Variants in COLEC10 observed in about 807,000 individuals in gnomAD.
The protein encoded by COLEC10 is collectin-10.
A neutral mutation model predicts 28.4 loss-of-function variants in COLEC10; 22 were observed. That is an observed-to-expected ratio of 0.78 (90% CI 0.55 to 1.11). COLEC10 has a LOEUF of 1.11. Among genes scored for constraint, COLEC10 ranks in the 50% least tolerant of loss-of-function variants. The probability of loss-of-function intolerance (pLI) is 0.00; values close to 1 mark genes in which losing one functional copy is unlikely to be tolerated. For missense variants in COLEC10, 361 were observed against 344.1 expected, an observed-to-expected ratio of 1.05 and a Z score of -0.39; for synonymous variants, 125 against 116.1, an observed-to-expected ratio of 1.08 and a Z score of -0.49.
chr8:119,022,979 G>C (rs1047407689), intron 2 of COLEC10, among the ~76,000 whole-genome samples: 1 of 152,052 alleles, frequency 6.6e-6, no homozygotes, highest in African/African-American at 2.4e-5. Context: ...CCTCCTGTTG[G>C]AGAGTCTTTG....
intron 1 of COLEC10, chr8:119,068,747 G>A (rs545716754): frequency 6.6e-6 from 1 of 152,164 alleles, no homozygotes; most frequent in African/African-American, 2.4e-5. Context: ...CAGACATTAT[G>A]AGATAATTAC....
At chr8:119,041,224 C>G (rs1480727980) in intron 2 of COLEC10, among the ~76,000 whole-genome samples, 1 of 151,898 alleles carries the variant, frequency 6.6e-6, no homozygotes, top group Non-Finnish European at 1.5e-5. Flanking sequence ...CTAATGCTGG[C>G]TCTTGTGGTT....
intron 2 of COLEC10, among the ~76,000 whole-genome samples, chr8:119,042,359 G>A (rs575065959): frequency 1.3e-5 from 2 of 151,972 alleles, no homozygotes; most frequent in East Asian, 1.9e-4. Context: ...ACTTTATAAT[G>A]TATTATGTTT....
At chr8:118,992,051 A>G (rs916784192), upstream of COLEC10, among the ~76,000 whole-genome samples, 1 of 152,098 alleles carries the variant, frequency 6.6e-6, no homozygotes, top group African/African-American at 2.4e-5. Flanking sequence ...CTTACATAAG[A>G]GTGTGATTTT....
At chr8:119,080,027 T>C (rs1215520762) in intron 1 of COLEC10, among the ~76,000 whole-genome samples, 4 of 152,206 alleles carry the variant, frequency 2.6e-5, no homozygotes, top group Admixed American at 1.3e-4. Context: ...ATGAAAACTA[T>C]TCATTTTGTT....
At chr8:119,087,680 C>A (rs1444837105) in intron 1 of COLEC10, among the ~76,000 whole-genome samples, 1 of 152,030 alleles carries the variant, frequency 6.6e-6, no homozygotes, top group South Asian at 2.1e-4. Context: ...TGCAACCCCC[C>A]TTTTTGCCCT....
intron 3 of COLEC10, among the ~76,000 whole-genome samples, chr8:119,098,886 T>G (rs1815769489): frequency 6.6e-6 from 1 of 152,108 alleles, no homozygotes; most frequent in African/African-American, 2.4e-5. Context: ...ATCTGTACTT[T>G]GAAATTTATT....
intron 5 of COLEC10, among the ~76,000 whole-genome samples, chr8:119,104,698 C>T (rs1460878579): frequency 6.6e-6 from 1 of 152,084 alleles, no homozygotes; most frequent in Admixed American, 6.6e-5. Flanking sequence ...TCGTGTTCAT[C>T]CTCATCTTGT....
At chr8:119,102,291 T>C in intron 3 of COLEC10, 57 bp from the exon 4 acceptor site, 4 of 1,176,266 alleles carry the variant, frequency 3.4e-6, no homozygotes, top group Non-Finnish European at 5.0e-6. Context: ...CTTCCTTTTT[T>C]CCTTTCTTCT....
At chr8:119,064,695 G>A (rs1240135828), upstream of COLEC10, among the ~76,000 whole-genome samples, 1 of 152,070 alleles carries the variant, frequency 6.6e-6, no homozygotes, top group African/African-American at 2.4e-5. Flanking sequence ...GACATTTTAA[G>A]TGTTTGTGAA....
chr8:119,103,497 A>C (rs552669343), intron 4 of COLEC10, among the ~76,000 whole-genome samples: 6 of 152,278 alleles, frequency 3.9e-5, no homozygotes, highest in South Asian at 4.1e-4. Context: ...TGTTCAACAA[A>C]AAAAAAATGC....
chr8:118,958,217 G>A, the COLEC10 span, among the ~76,000 whole-genome samples: 5 of 152,250 alleles, frequency 3.3e-5, no homozygotes, highest in African/African-American at 1.2e-4. Flanking sequence ...GGCCTTTAAG[G>A]GTTCATATTT....
intron 2 of COLEC10, among the ~76,000 whole-genome samples, chr8:119,046,173 T>C (rs1814585494): frequency 6.6e-6 from 1 of 152,172 alleles, no homozygotes; most frequent in South Asian, 2.1e-4. Context: ...AACATTGATT[T>C]CTTCTGGAAA....
chr8:119,075,892 C>CTTTT lies in COLEC10; in HGVS notation c.148+8484_148+8487dup, dbSNP rs35870985. Among the ~76,000 whole-genome samples, 611 of 82,398 alleles carry CTTTT rather than the reference C, an allele frequency of 7.4e-3. 9 individuals carry two copies. The highest frequency in any genetic ancestry group is 0.018 in the African/African-American group (363 of 20,708). 54.1% of individuals were successfully genotyped at this position (82,398 alleles called of 152,430 possible). The stretch of plus-strand genomic sequence containing the variant: ...TCATCTCAAGAATGATCAGCCATAT[C>CTTTT]TTTTTTTTTTTTTTTTTTTTTTTTG... On this transcript the variant is annotated intron_variant, in intron 1 of 5. Coordinates refer to ENST00000332843, the MANE Select transcript of COLEC10 (RefSeq NM_006438.5).
At chr8:119,058,684 T>C (rs561030676) in intron 2 of COLEC10, among the ~76,000 whole-genome samples, 1 of 152,120 alleles carries the variant, frequency 6.6e-6, no homozygotes, top group South Asian at 2.1e-4. Flanking sequence ...TGTTTGTATT[T>C]TTTCAATTTC....
At chr8:119,093,251 C>A (rs141916261) in intron 3 of COLEC10, among the ~76,000 whole-genome samples, 42 of 152,302 alleles carry the variant, frequency 2.8e-4, no homozygotes, top group Admixed American at 6.5e-4. Context: ...TAGGCTGTGG[C>A]CTCTCTCTTC....
intron 2 of COLEC10, among the ~76,000 whole-genome samples, chr8:119,042,961 CAGA>C (rs1587014876): frequency 6.6e-6 from 1 of 152,042 alleles, no homozygotes; most frequent in Non-Finnish European, 1.5e-5. Context: ...AGAGTCACCA[CAGA>C]AGGAGAAAAA....
intron 2 of COLEC10, among the ~76,000 whole-genome samples, chr8:119,058,770 A>G (rs1239962803): frequency 6.6e-6 from 1 of 152,072 alleles, no homozygotes; most frequent in African/African-American, 2.4e-5. Context: ...ATTTCTCCCA[A>G]GTAGATATCT....
the COLEC10 span, among the ~76,000 whole-genome samples, chr8:118,954,958 C>T: frequency 6.6e-6 from 1 of 152,182 alleles, no homozygotes; most frequent in African/African-American, 2.4e-5. Context: ...GCATGCAGCT[C>T]TAAGTTAACT....
Sources: gnomAD v4.1 joint callset for allele counts (sites outside exome capture counted in the v4.1 genomes callset) on GRCh38, gnomAD v4.1.1 for gene constraint, MANE v1.5 for transcripts, NCBI Gene and HGNC (gene_info 2026-07-23, HGNC 2026-07-21) for gene names.